Variants in ZC2HC1C observed in about 807,000 individuals in gnomAD.
The protein encoded by ZC2HC1C is zinc finger C2HC domain-containing protein 1C.
A neutral mutation model predicts 39.2 loss-of-function variants in ZC2HC1C; 25 were observed. That is an observed-to-expected ratio of 0.64 (90% CI 0.47 to 0.89). The LOEUF is 0.89. Among genes scored for constraint, ZC2HC1C ranks in the 40% least tolerant of loss-of-function variants. The probability of loss-of-function intolerance (pLI) is 0.00; values close to 1 mark genes in which losing one functional copy is unlikely to be tolerated. For missense variants in ZC2HC1C, 519 were observed against 548.6 expected (o/e 0.95, Z 0.54); for synonymous variants, 209 against 214.4 (o/e 0.97, Z 0.22).
At chr14:75,070,468 G>A in intron 1 of ZC2HC1C, 87 bp from the exon 2 acceptor site, 6 of 1,458,470 alleles carry the variant, frequency 4.1e-6, no homozygotes, top group Non-Finnish European at 5.5e-6. Context: ...AATGTGGGCA[G>A]GGCAAATGTA....
At chr14:75,075,956 C>T (rs997338610) in intron 2 of ZC2HC1C, among the ~76,000 whole-genome samples, 3 of 152,110 alleles carry the variant, frequency 2.0e-5, no homozygotes, top group Non-Finnish European at 4.4e-5. Flanking sequence ...ACTTGGGAGG[C>T]TGAGATAGGA....
intron 2 of ZC2HC1C, among the ~76,000 whole-genome samples, chr14:75,076,704 G>T (rs1893686710): frequency 6.6e-6 from 1 of 151,702 alleles, no homozygotes; most frequent in Admixed American, 6.6e-5. Context: ...TCATTTTGTT[G>T]ATATGGTCTC....
At chr14:75,072,325 C>G (rs933562043) in intron 2 of ZC2HC1C, among the ~76,000 whole-genome samples, 10 of 152,210 alleles carry the variant, frequency 6.6e-5, no homozygotes, top group African/African-American at 2.4e-4. Flanking sequence ...CCTTTTGTCA[C>G]CTGGAGAGAA....
In ZC2HC1C at chr14:75,077,948, A is replaced by T. The variant is rs1023742984; in HGVS notation, c.*384A>T. On this transcript the variant is annotated 3_prime_UTR_variant, in exon 3 of 3. Coordinates refer to ENST00000524913, the MANE Select transcript of ZC2HC1C (RefSeq NM_024643.4). Reference sequence around the variant, plus strand: ...ATCTGTGAGGAGAGAGCCACTGCTAAGCAGCAGGAGGCAGAAGGAAGCCCC... The same window carrying T: ...ATCTGTGAGGAGAGAGCCACTGCTATGCAGCAGGAGGCAGAAGGAAGCCCC... 1 of 216,758 alleles carries T rather than the reference A, an allele frequency of 4.6e-6. No homozygotes were observed. The highest frequency in any genetic ancestry group is 2.3e-5 in the African/African-American group (1 of 43,128). 13.4% of individuals were successfully genotyped at this position (216,758 alleles called of 1,614,324 possible). A position where few individuals can be genotyped will look rare whatever the true frequency, so the allele number is the denominator to read the frequency against.
chr14:75,072,103 T>C (rs1594806252), intron 2 of ZC2HC1C, among the ~76,000 whole-genome samples, 192 bp downstream of exon 2: 1 of 152,242 alleles, frequency 6.6e-6, no homozygotes, highest in East Asian at 1.9e-4. Flanking sequence ...ACATTATCTC[T>C]CATTGTATCA....
chr14:75,073,757 G>A, intron 2 of ZC2HC1C: 1 of 470,376 alleles, frequency 2.1e-6, no homozygotes. Context: ...TGCTTAATAA[G>A]TGTTAACTGA....
At chr14:75,070,529 G>A (rs756245409) in intron 1 of ZC2HC1C, 26 bp from the exon 2 acceptor site, 48 of 1,548,080 alleles carry the variant, frequency 3.1e-5, no homozygotes, top group Non-Finnish European at 3.9e-5. Context: ...AACTCTTCCC[G>A]TGTATCTGGT....
chr14:75,073,068 T>C (rs1566628992), intron 2 of ZC2HC1C, among the ~76,000 whole-genome samples: 1 of 152,240 alleles, frequency 6.6e-6, no homozygotes, highest in South Asian at 2.1e-4. Context: ...ATTGGCACTT[T>C]ACAGTTTCTG....
At position 75,077,665 on chromosome 14, in the gene ZC2HC1C, C is replaced by A. The variant is rs933782640; in HGVS notation, c.*101C>A. 1.4e-6 allele frequency: 2 copies of A among 1,445,494 alleles called. No homozygotes were observed. The highest frequency in any genetic ancestry group is 1.4e-5 in the African/African-American group (1 of 71,812). 89.5% of individuals were successfully genotyped at this position (1,445,494 alleles called of 1,614,324 possible). On this transcript the variant is annotated 3_prime_UTR_variant, in exon 3 of 3. Coordinates refer to ENST00000524913, the MANE Select transcript of ZC2HC1C (RefSeq NM_024643.4). ...TCACACTTGCCTCCCATCCTGCCTG[C>A]AGAAAACCCAGACTGCATTCAGTGT... is the stretch of plus-strand genomic sequence containing the variant.
At position 75,079,104 on chromosome 14, in the gene ZC2HC1C, C is replaced by T. The variant is rs1185874452; in HGVS notation, c.*1540C>T. ...GAAAAACTGCTCAATTTGAGCTAGT[C>T]AACAGGGCTAGACAGACAACAAAAT... On this transcript the variant is annotated 3_prime_UTR_variant, in exon 3 of 3. Coordinates refer to ENST00000524913, the MANE Select transcript of ZC2HC1C (RefSeq NM_024643.4). 1 of 150,462 alleles carries T rather than the reference C, an allele frequency of 6.6e-6. No individual in the cohort carries two copies. Among genetic ancestry groups the T allele is most frequent in the Non-Finnish European group, 1.5e-5 (1 of 67,888 alleles). 9.3% of individuals were successfully genotyped at this position (150,462 alleles called of 1,614,324 possible). A position where few individuals can be genotyped will look rare whatever the true frequency, so the allele number is the denominator to read the frequency against.
intron 2 of ZC2HC1C, among the ~76,000 whole-genome samples, chr14:75,076,715 A>C (rs556999775): frequency 6.6e-6 from 1 of 151,950 alleles, no homozygotes; most frequent in South Asian, 2.1e-4. Context: ...ATATGGTCTC[A>C]TGTTAAAAAA....
Position 75,071,469 on chromosome 14 carries a change from A to G in ZC2HC1C, c.896A>G (p.Asp299Gly), listed in dbSNP as rs754558199. ...GAGTTTGAGGAAGAATTTAGTAGAG[A>G]CAGGAGAGAGGATGAAACTTGGGGA... The part of the protein sequence containing the change: ...EFEFEEEFSR[D>G]RREDETWGRS... Residue 299 changes from aspartate to glycine, a missense_variant, in exon 2 of 3, where the codon GAC becomes GGC. Asp to Gly is a moderately conservative substitution (Grantham distance 94). Transcript: ENST00000524913. 8 of 1,614,086 alleles carry G rather than the reference A, an allele frequency of 5.0e-6. No individual in the cohort carries two copies. The highest frequency in any genetic ancestry group is 6.8e-6 in the Non-Finnish European group (8 of 1,180,050).
At chr14:75,072,807 T>C (rs1189370540) in intron 2 of ZC2HC1C, among the ~76,000 whole-genome samples, 1 of 152,186 alleles carries the variant, frequency 6.6e-6, no homozygotes, top group Admixed American at 6.5e-5. Context: ...AATTGATTCG[T>C]CGTTTAGTGT....
intron 2 of ZC2HC1C, among the ~76,000 whole-genome samples, chr14:75,074,563 CT>C (rs1893578100): frequency 1.3e-5 from 2 of 151,658 alleles, no homozygotes; most frequent in Non-Finnish European, 2.9e-5. Flanking sequence ...TCTACATTAC[CT>C]GTTTTTTTTT....
chr14:75,072,086 G>C (rs1893453446), intron 2 of ZC2HC1C, among the ~76,000 whole-genome samples, 175 bp downstream of exon 2: 1 of 152,182 alleles, frequency 6.6e-6, no homozygotes, highest in South Asian at 2.1e-4. Context: ...CTTTTCATGT[G>C]ATCTCCACAT....
rs1566628350 is a variant in ZC2HC1C, at chr14:75,071,879, T to G, written c.1306T>G (p.Tyr436Asp). 1 of 1,605,330 alleles carries G rather than the reference T, an allele frequency of 6.2e-7. No homozygotes were observed. Residue 436 changes from tyrosine (Y) to aspartate (D), a missense_variant, in exon 2 of 3, where the codon TAC (tyrosine) becomes GAC (aspartate). Coordinates refer to ENST00000524913, the MANE Select transcript of ZC2HC1C (RefSeq NM_024643.4). ...ARAKGTELEQYLNWKGPASAK... is the reference protein window; with the variant it reads ...ARAKGTELEQDLNWKGPASAK... ...GGCTAAGGGCACAGAACTAGAGCAG[T>G]ACTTGAACTGGAAGGGGCCAGCTTC... is the stretch of plus-strand genomic sequence containing the variant.
At position 75,070,942 on chromosome 14, in the gene ZC2HC1C, G is replaced by C. The variant is rs1300726577; in HGVS notation, c.369G>C (p.Gln123His). 1 of 1,614,182 alleles carries C rather than the reference G, an allele frequency of 6.2e-7. No individual in the cohort carries two copies. The highest frequency in any genetic ancestry group is 2.2e-5 in the East Asian group (1 of 44,888). The change falls in exon 2 of 3, where the codon CAG becomes CAC. Residue 123 changes from glutamine (Q) to histidine (H), a missense_variant. Transcript: ENST00000524913. ...PQSWYPKANN[Q>H]DFIPFTKKRV... ...CCTGGTATCCCAAAGCCAATAACCA[G>C]GACTTTATCCCCTTTACAAAGAAAC...
chr14:75,073,795 A>C (rs1893535509), intron 2 of ZC2HC1C, among the ~76,000 whole-genome samples: 1 of 152,202 alleles, frequency 6.6e-6, no homozygotes, highest in Non-Finnish European at 1.5e-5. Flanking sequence ...TGAGGAATAA[A>C]ATTATAGGAA....
At chr14:75,074,938 C>A (rs760060087) in intron 2 of ZC2HC1C, among the ~76,000 whole-genome samples, 5 of 152,190 alleles carry the variant, frequency 3.3e-5, no homozygotes, top group Non-Finnish European at 7.3e-5. Context: ...TCCTACTGTT[C>A]TCTTTCTCTT....
Sources: gnomAD v4.1 joint callset for allele counts (sites outside exome capture counted in the v4.1 genomes callset) on GRCh38, gnomAD v4.1.1 for gene constraint, MANE v1.5 for transcripts, NCBI Gene and HGNC (gene_info 2026-07-23, HGNC 2026-07-21) for gene names.